The following NPAS3 variants were observed in gnomAD, a reference collection of about 807,000 sequenced individuals.
NPAS3 encodes neuronal PAS domain protein 3, also known as neuronal PAS domain-containing protein 3.
In NPAS3, 14 loss-of-function variants were observed where a neutral mutation model predicts 73.1. The observed-to-expected ratio is 0.19, with a 90% confidence interval of 0.13 to 0.30. The LOEUF is 0.30. NPAS3 is among the 10% of genes least tolerant of loss of function. The pLI is 1.00. For synonymous variants in NPAS3, 620 were observed against 541.5 expected, an observed-to-expected ratio of 1.14 and a Z score of -2.01; for missense variants, 1,096 against 1,250.0, an observed-to-expected ratio of 0.88 and a Z score of 1.86.
At chr14:32,968,118 G>A (rs145222984) in intron 1 of NPAS3, among the ~76,000 whole-genome samples, 284 of 152,206 alleles carry the variant, frequency 1.9e-3, no homozygotes, top group African/African-American at 6.6e-3. Flanking sequence ...GGTTGGTCAG[G>A]GGTGCAGAGT....
chr14:33,793,787 G>A (rs373194632), intron 9 of NPAS3, 110 bp from the exon 10 acceptor site: 6 of 978,124 alleles, frequency 6.1e-6, no homozygotes, highest in Non-Finnish European at 9.0e-6. Context: ...CCCTGGCTTG[G>A]TGTAGGTCCT....
chr14:33,067,757 T>G (rs1001775434), intron 2 of NPAS3, among the ~76,000 whole-genome samples: 2 of 152,192 alleles, frequency 1.3e-5, no homozygotes, highest in African/African-American at 4.8e-5. Context: ...CATCTCCCAG[T>G]TTAGGGCCTT....
At chr14:33,665,145 G>A (rs2059417758) in intron 5 of NPAS3, among the ~76,000 whole-genome samples, 1 of 152,142 alleles carries the variant, frequency 6.6e-6, no homozygotes, top group Admixed American at 6.6e-5. Context: ...AAGAAAATAT[G>A]GCACATATGC....
At chr14:33,095,661 TA>T (rs375340999) in intron 2 of NPAS3, among the ~76,000 whole-genome samples, 47,370 of 116,352 alleles carry the variant, frequency 0.41, 13,916 homozygotes, top group Admixed American at 0.49. Context: ...TCTCTGCTTT[TA>T]TTTTTTTATT....
chr14:33,413,451 G>A (rs570041419), intron 4 of NPAS3, among the ~76,000 whole-genome samples: 84 of 152,170 alleles, frequency 5.5e-4, no homozygotes, highest in African/African-American at 2.0e-3. Context: ...AGCATCCTCA[G>A]ATCTATCTTT....
At chr14:33,045,151 G>A (rs2040467130) in intron 1 of NPAS3, among the ~76,000 whole-genome samples, 1 of 152,164 alleles carries the variant, frequency 6.6e-6, no homozygotes, top group Non-Finnish European at 1.5e-5. Context: ...CATGTGGCCT[G>A]TAGTCATAGC....
At chr14:33,214,011 C>T (rs2047130836) in intron 2 of NPAS3, 1 of 151,984 alleles carries the variant, frequency 6.6e-6, no homozygotes, top group Admixed American at 6.6e-5. Context: ...TGATCTCTTC[C>T]TTTGGTCTTC....
intron 5 of NPAS3, among the ~76,000 whole-genome samples, chr14:33,641,339 A>T (rs2058670159): frequency 6.6e-6 from 1 of 152,212 alleles, no homozygotes. Context: ...CTTCTAGTTG[A>T]ATATGAAAAA....
intron 2 of NPAS3, among the ~76,000 whole-genome samples, chr14:33,210,909 G>A (rs994861041): frequency 3.3e-5 from 5 of 152,176 alleles, no homozygotes; most frequent in African/African-American, 1.2e-4. Flanking sequence ...AATGAGGACT[G>A]TAATAAAAGG....
intron 6 of NPAS3, among the ~76,000 whole-genome samples, chr14:33,731,231 A>G (rs1233124681): frequency 6.6e-6 from 1 of 152,014 alleles, no homozygotes; most frequent in Non-Finnish European, 1.5e-5. Context: ...GTGAAACCCC[A>G]TCTACAAAAA....
At chr14:32,971,597 C>T (rs538012624) in intron 1 of NPAS3, among the ~76,000 whole-genome samples, 7 of 152,308 alleles carry the variant, frequency 4.6e-5, no homozygotes, top group Non-Finnish European at 8.8e-5. Flanking sequence ...ATACTGATAG[C>T]TTTCAGCAGG....
At chr14:33,285,780 C>T (rs778367917) in intron 3 of NPAS3, among the ~76,000 whole-genome samples, 3 of 152,160 alleles carry the variant, frequency 2.0e-5, no homozygotes, top group South Asian at 4.1e-4. Context: ...ATTCCCCTAC[C>T]GTTGCTCCCT....
chr14:33,073,809 C>T (rs185422900), intron 2 of NPAS3, among the ~76,000 whole-genome samples: 64 of 152,286 alleles, frequency 4.2e-4, no homozygotes, highest in Non-Finnish European at 9.0e-4. Flanking sequence ...TTTGTAACCT[C>T]TGTGTTTGCA....
intron 5 of NPAS3, among the ~76,000 whole-genome samples, chr14:33,654,775 C>T (rs1273536681): frequency 6.6e-6 from 1 of 151,772 alleles, no homozygotes; most frequent in Non-Finnish European, 1.5e-5. Context: ...GCAGTTTGAC[C>T]CTCACTTCAA....
intron 4 of NPAS3, among the ~76,000 whole-genome samples, chr14:33,388,503 G>A (rs1594815418): frequency 1.3e-5 from 2 of 152,094 alleles, no homozygotes; most frequent in East Asian, 3.9e-4. Context: ...GTGAATGGGG[G>A]CGGGGGGCAG....
intron 9 of NPAS3, among the ~76,000 whole-genome samples, chr14:33,783,904 C>T (rs954668899): frequency 7.9e-5 from 12 of 152,142 alleles, no homozygotes; most frequent in African/African-American, 2.4e-4. Context: ...TTTTACACGA[C>T]GTAAACAGTA....
intron 6 of NPAS3, among the ~76,000 whole-genome samples, chr14:33,712,499 G>C (rs2060846764): frequency 6.6e-6 from 1 of 152,176 alleles, no homozygotes; most frequent in Non-Finnish European, 1.5e-5. Context: ...CCTGCACCTT[G>C]AGCAAATGCA....
At chr14:32,989,638 G>T (rs1355853480) in intron 1 of NPAS3, among the ~76,000 whole-genome samples, 2 of 149,962 alleles carry the variant, frequency 1.3e-5, no homozygotes, top group East Asian at 1.9e-4. Flanking sequence ...GCGAGACTCG[G>T]TCTCAAACAA....
chr14:33,602,007 C>T (rs898806437), intron 5 of NPAS3, among the ~76,000 whole-genome samples: 2 of 152,144 alleles, frequency 1.3e-5, no homozygotes, highest in Admixed American at 6.5e-5. Context: ...GTGAGTCCTA[C>T]AACTTTTCCA....
Sources: allele counts gnomAD v4.1 joint callset (sites outside exome capture counted in the v4.1 genomes callset), GRCh38; gene constraint gnomAD v4.1.1; transcripts MANE v1.5; gene names NCBI Gene and HGNC (gene_info 2026-07-23, HGNC 2026-07-21).